Variants in SELENOO observed in about 807,000 individuals in gnomAD.
The protein encoded by SELENOO is selenoprotein O.
Under a neutral mutation model 58.7 loss-of-function variants are expected in SELENOO, and 74 were observed. The ratio of observed to expected loss-of-function variants is 1.26; its 90% CI spans 1.04 to 1.53. The LOEUF is 1.53. SELENOO is among the 40% of genes most tolerant of loss of function. The probability of loss-of-function intolerance (pLI) is 0.00; values close to 1 mark genes in which losing one functional copy is unlikely to be tolerated. For synonymous variants in SELENOO, 543 were observed against 453.2 expected, an observed-to-expected ratio of 1.20 and a Z score of -2.52; for missense variants, 1,149 against 970.0, an observed-to-expected ratio of 1.18 and a Z score of -2.45.
chr22:50,215,816 G>GTGCC lies in SELENOO; in HGVS notation c.1453_1456dup (p.Ser486CysfsTer73), dbSNP rs1569105113. On this transcript the variant is annotated frameshift_variant, in exon 6 of 9. Coordinates refer to ENST00000380903, the MANE Select transcript of SELENOO (RefSeq NM_031454.2). LOFTEE classifies it high-confidence loss of function. ...TTCCTGGCCAGGCTGATGGAGCAGT[G>GTGCC]TGCCTCCCTGGAGGAGCTGAGGCTG... is the stretch of plus-strand genomic sequence containing the variant. 1 of 1,612,540 alleles carries GTGCC rather than the reference G, an allele frequency of 6.2e-7. No homozygotes were observed.
At chr22:50,204,768 C>T (rs996088498) in intron 1 of SELENOO, among the ~76,000 whole-genome samples, 9 of 152,212 alleles carry the variant, frequency 5.9e-5, no homozygotes, top group African/African-American at 1.7e-4. Context: ...CCACATGATT[C>T]AGCAGTTCTG....
chr22:50,201,276 C>G lies in SELENOO; in HGVS notation c.240C>G (p.Ala80=). Residue 80 remains alanine (A), a synonymous_variant, in exon 1 of 9, where the codon GCC becomes GCG. Coordinates refer to ENST00000380903, the MANE Select transcript of SELENOO (RefSeq NM_031454.2). ...CCGCGCCGCGGCCCGTGCCCGGGGC[C>G]TGCTTCACCCGCGTGCAGCCCACCC... The part of the protein sequence containing the change: ...APSAPRPVPG[A]CFTRVQPTPL... The G allele has an allele frequency of 9.3e-7, 1 of 1,075,592 alleles. No individual in the cohort carries two copies. Among genetic ancestry groups the G allele is most frequent in the Non-Finnish European group, 1.1e-6 (1 of 891,494 alleles). The allele number at this position is 1,075,592 out of a possible 1,614,324, so 66.6% of individuals were successfully genotyped here.
intron 1 of SELENOO, 139 bp downstream of exon 1, chr22:50,201,729 G>C: frequency 1.9e-6 from 1 of 525,064 alleles, no homozygotes; most frequent in Non-Finnish European, 2.9e-6. Flanking sequence ...CGCGGTGCTG[G>C]CAGCCGCCCG....
At chr22:50,211,989 C>T (rs75505866) in intron 5 of SELENOO, among the ~76,000 whole-genome samples, 3,005 of 152,352 alleles carry the variant, frequency 0.02, 46 homozygotes, top group Non-Finnish European at 0.028. Context: ...AGGCGTGAGC[C>T]ACCGCACCCA....
chr22:50,205,057 T>TTTC (rs1473669133), intron 1 of SELENOO, among the ~76,000 whole-genome samples: 7 of 152,188 alleles, frequency 4.6e-5, no homozygotes, highest in East Asian at 1.9e-4. Flanking sequence ...AGAGACAAAG[T>TTTC]AGAATGGTGG....
At position 50,217,324 on chromosome 22, in the gene SELENOO, G is replaced by A. The variant is rs769104191; in HGVS notation, c.1965G>A (p.Lys655=). The A allele has an allele frequency of 4.3e-5, 69 of 1,612,826 alleles. No individual in the cohort carries two copies. The highest frequency in any genetic ancestry group is 5.3e-5 in the Non-Finnish European group (63 of 1,179,950). The change falls in exon 9 of 9, where the codon AAG becomes AAA. Residue 655 remains lysine, a synonymous_variant. Coordinates refer to ENST00000380903, the MANE Select transcript of SELENOO (RefSeq NM_031454.2). ...GCAGGCAGCGCTCCTACAGCAGTAA[G>A]CCCCCGCTCTGGGCAGCAGAACTGT... ...ADGRQRSYSS[K]PPLWAAELCV... is the part of the protein sequence containing the mutation.
At chr22:50,212,942 T>A (rs2064381391) in intron 5 of SELENOO, among the ~76,000 whole-genome samples, 1 of 152,258 alleles carries the variant, frequency 6.6e-6, no homozygotes, top group African/African-American at 2.4e-5. Context: ...CTCTTCTTTC[T>A]CCAGTTCCTT....
At chr22:50,201,639 G>T (rs998608887) in intron 1 of SELENOO, 49 bp downstream of exon 1, 17 of 1,197,530 alleles carry the variant, frequency 1.4e-5, no homozygotes, top group South Asian at 2.9e-5. Context: ...CCGCCGGGGC[G>T]CCCCTTCCCT....
Position 50,210,888 on chromosome 22 carries a change from T to C in SELENOO, c.1328T>C (p.Leu443Pro). Residue 443 changes from leucine (L) to proline (P), a missense_variant, in exon 5 of 9, where the codon CTC becomes CCC. Transcript: ENST00000380903. ...LEEDGALVSKLLETMHLTGAD... is the reference protein window; with the variant it reads ...LEEDGALVSKPLETMHLTGAD... ...GAAGACGGGGCGCTGGTGTCCAAGC[T>C]CCTGGAGACCATGCATCTGACCGGT... is the stretch of plus-strand genomic sequence containing the variant. 6.2e-7 allele frequency: 1 copy of C among 1,614,082 alleles called. No homozygotes were observed. Among genetic ancestry groups the C allele is most frequent in the Non-Finnish European group, 8.5e-7 (1 of 1,180,024 alleles).
chr22:50,208,535 G>C lies in SELENOO; in HGVS notation c.759-1G>C. 1 of 1,612,770 alleles carries C rather than the reference G, an allele frequency of 6.2e-7. No individual in the cohort carries two copies. Among genetic ancestry groups the C allele is most frequent in the Middle Eastern group, 1.7e-4 (1 of 6,056 alleles). ...GTTGACGCCTCGGGTCTTCCCTCCA[G>C]GTTTGGATCCTTTGAGATTTTTAAG... On this transcript the variant is annotated splice_acceptor_variant, in intron 2 of 8. Coordinates refer to ENST00000380903, the MANE Select transcript of SELENOO (RefSeq NM_031454.2). LOFTEE classifies it high-confidence loss of function.
In SELENOO at chr22:50,206,407, G is replaced by T; in HGVS notation, c.645G>T (p.Arg215=). ...TCCACCTGGGAGTCCCCACCACACG[G>T]GCCGGCGCCTGCGTCACGTCCGAGT... is the stretch of plus-strand genomic sequence containing the variant. ...AMFHLGVPTT[R]AGACVTSEST... Residue 215 remains arginine, a synonymous_variant, in exon 2 of 9, where the codon CGG becomes CGT. Coordinates refer to ENST00000380903, the MANE Select transcript of SELENOO (RefSeq NM_031454.2). 6.2e-7 allele frequency: 1 copy of T among 1,614,170 alleles called. No individual in the cohort carries two copies. Among genetic ancestry groups the T allele is most frequent in the Non-Finnish European group, 8.5e-7 (1 of 1,180,038 alleles).
At chr22:50,202,322 C>T (rs1445889786) in intron 1 of SELENOO, among the ~76,000 whole-genome samples, 1 of 152,150 alleles carries the variant, frequency 6.6e-6, no homozygotes, top group East Asian at 1.9e-4. Context: ...CCCCTCGGTC[C>T]CTCAGCATCC....
rs750193826 is a variant in SELENOO, at chr22:50,217,367, T to C, written c.2008T>C (p.Ter670GlnextTer?). ...AGAACTGTGCGTGACATGATCTTCGTAACGGCCTCGGCACGCTCCACACCC... is the reference window on the plus strand; with the variant it reads ...AGAACTGTGCGTGACATGATCTTCGCAACGGCCTCGGCACGCTCCACACCC... ...AAELCVTUSS* is the reference protein window; with the variant it reads ...AAELCVTUSSQ The change falls in exon 9 of 9, where the codon TAA becomes CAA. Residue 670 changes from the stop codon to glutamine, a stop_lost. Transcript: ENST00000380903. The C allele has an allele frequency of 6.4e-5, 104 of 1,612,490 alleles. 3 individuals carry two copies. The South Asian group carries it at 1.0e-3, about 15-fold the overall frequency.
intron 3 of SELENOO, 104 bp downstream of exon 3, chr22:50,208,820 G>A: frequency 1.8e-6 from 2 of 1,135,178 alleles, no homozygotes; most frequent in Admixed American, 4.3e-5. Context: ...CTTTTACCCA[G>A]CCTCCCCGCC....
Position 50,217,382 on chromosome 22 carries a change from G to T in SELENOO, c.*13G>T, listed in dbSNP as rs746141095. 1 of 1,611,896 alleles carries T rather than the reference G, an allele frequency of 6.2e-7. No individual in the cohort carries two copies. Among genetic ancestry groups the T allele is most frequent in the Non-Finnish European group, 8.5e-7 (1 of 1,179,702 alleles). On this transcript the variant is annotated 3_prime_UTR_variant, in exon 9 of 9. Transcript: ENST00000380903. ...ATGATCTTCGTAACGGCCTCGGCAC[G>T]CTCCACACCCCTGGAGTCTCCCGAG...
Position 50,217,431 on chromosome 22 carries a change from C to A in SELENOO, c.*62C>A, listed in dbSNP as rs1057266307. On this transcript the variant is annotated 3_prime_UTR_variant, in exon 9 of 9. Coordinates refer to ENST00000380903, the MANE Select transcript of SELENOO (RefSeq NM_031454.2). ...AGGCCCCCATGTGCTGCTGAGTGGC[C>A]AAGATGATGCCAGGCTGCCCTATAC... 11 of 1,572,358 alleles carry A rather than the reference C, an allele frequency of 7.0e-6. No homozygotes were observed. The African/African-American group carries it at 1.5e-4, about 21-fold the overall frequency.
rs2064294045 is a variant in SELENOO, at chr22:50,201,044, T to TGGCCGC, written c.8_9insGGCCGC (p.Val3_Tyr4insAlaAla). The TGGCCGC allele has an allele frequency of 7.7e-7, 1 of 1,298,022 alleles. No individual in the cohort carries two copies. Among genetic ancestry groups the TGGCCGC allele is most frequent in the African/African-American group, 1.6e-5 (1 of 64,288 alleles). 80.4% of individuals were successfully genotyped at this position (1,298,022 alleles called of 1,614,324 possible). ...GCGGGAGCGGGGCCGCGGATGGCCG[T>TGGCCGC]ATACAGGGCAGCGCTCGGGGCTTCG... On this transcript the variant is annotated inframe_insertion, in exon 1 of 9. Transcript: ENST00000380903.
intron 2 of SELENOO, among the ~76,000 whole-genome samples, chr22:50,207,801 G>T (rs2064342239): frequency 8.0e-6 from 1 of 124,376 alleles, no homozygotes. Flanking sequence ...GGCTGCTGGT[G>T]AGCGCTCACA....
intron 1 of SELENOO, among the ~76,000 whole-genome samples, chr22:50,203,303 G>C (rs765400333): frequency 3.9e-5 from 6 of 152,172 alleles, no homozygotes; most frequent in Non-Finnish European, 5.9e-5. Flanking sequence ...CTTGAGCCCA[G>C]GATTCAAGGC....
Sources: gnomAD v4.1 joint callset for allele counts (sites outside exome capture counted in the v4.1 genomes callset) on GRCh38, gnomAD v4.1.1 for gene constraint, MANE v1.5 for transcripts, NCBI Gene and HGNC (gene_info 2026-07-23, HGNC 2026-07-21) for gene names.